FMN1: variants seen among roughly 807,000 people sequenced by gnomAD.
The protein encoded by FMN1 is formin 1, also known as formin-1.
Under a neutral mutation model 132.4 loss-of-function variants are expected in FMN1, and 110 were observed. The ratio of observed to expected loss-of-function variants is 0.83; its 90% CI spans 0.71 to 0.97. The LOEUF (loss-of-function observed/expected upper bound fraction) is 0.97. Among genes scored for constraint, FMN1 ranks in the 50% least tolerant of loss-of-function variants. FMN1 has a pLI of 0.00. For missense variants in FMN1, 1,792 were observed against 1,705.3 expected, an observed-to-expected ratio of 1.05 and a Z score of -0.90; for synonymous variants, 722 against 651.7, an observed-to-expected ratio of 1.11 and a Z score of -1.64.
rs540394198 is a variant in FMN1 at position 33,179,364 on chromosome 15, T to C, written c.-132+834A>G. The stretch of plus-strand genomic sequence containing the variant: ...ATCCCTGATAGAAAAATGAAAGGTA[T>C]GATTTCAGGATTCTAACATAAACTG... On this transcript the variant is annotated intron_variant, in intron 3 of 20. Coordinates refer to ENST00000616417, the MANE Select transcript of FMN1 (RefSeq NM_001277313.2). Among the ~76,000 whole-genome samples, 30 of 152,308 alleles carry C rather than the reference T, an allele frequency of 2.0e-4. 1 individual carries two copies. The South Asian group carries it at 5.8e-3, about 29-fold the overall frequency.
intron 2 of FMN1, among the ~76,000 whole-genome samples, chr15:33,181,366 G>A (rs1041695579): frequency 2.0e-5 from 3 of 152,134 alleles, no homozygotes; most frequent in Admixed American, 1.3e-4. Context: ...TGCCTCTTCC[G>A]AGCAGACAAA....
intron 9 of FMN1, among the ~76,000 whole-genome samples, chr15:32,937,314 A>G (rs1297844703): frequency 1.3e-5 from 2 of 152,224 alleles, no homozygotes; most frequent in African/African-American, 4.8e-5. Context: ...CCAAAGGAGA[A>G]GCCAGGAGGT....
At chr15:33,111,850 G>A (rs1450582821) in intron 4 of FMN1, among the ~76,000 whole-genome samples, 2 of 152,096 alleles carry the variant, frequency 1.3e-5, no homozygotes, top group African/African-American at 4.8e-5. Flanking sequence ...TGATGAAAAT[G>A]TTATAAAGTT....
chr15:33,121,645 C>A (rs559784639), intron 4 of FMN1, among the ~76,000 whole-genome samples: 4 of 152,222 alleles, frequency 2.6e-5, no homozygotes, highest in African/African-American at 9.6e-5. Context: ...TCTCGTGCCT[C>A]AGCCTCCTGA....
At chr15:33,045,033 G>A (rs1351627366) in intron 6 of FMN1, among the ~76,000 whole-genome samples, 6 of 152,222 alleles carry the variant, frequency 3.9e-5, no homozygotes, top group Non-Finnish European at 8.8e-5. Context: ...CCTTCAGGGA[G>A]CCCAGACCTA....
intron 4 of FMN1, among the ~76,000 whole-genome samples, chr15:33,109,166 G>A (rs2140115447): frequency 6.6e-6 from 1 of 152,196 alleles, no homozygotes; most frequent in East Asian, 1.9e-4. Flanking sequence ...ACTTGGTTTA[G>A]TAACAAACTA....
At chr15:32,989,626 A>G (rs928813916) in intron 7 of FMN1, among the ~76,000 whole-genome samples, 4 of 152,180 alleles carry the variant, frequency 2.6e-5, no homozygotes, top group Non-Finnish European at 5.9e-5. Context: ...AAGACTTTGA[A>G]CTTAACTTGA....
At chr15:32,996,700 T>C (rs1413827326) in intron 7 of FMN1, among the ~76,000 whole-genome samples, 1 of 152,184 alleles carries the variant, frequency 6.6e-6, no homozygotes. Flanking sequence ...TGCAGTGAAA[T>C]GGTCAAAGCA....
intron 7 of FMN1, among the ~76,000 whole-genome samples, chr15:32,981,543 A>AATAATAATAATAATAATT (rs574939662): frequency 9.8e-4 from 136 of 138,394 alleles, no homozygotes; most frequent in African/African-American, 3.6e-3. Flanking sequence ...TAATAATAAT[A>AATAATAATAATAATAATT]ATTATTATTA....
intron 17 of FMN1, among the ~76,000 whole-genome samples, chr15:32,849,122 T>TA (rs1313231787): frequency 2.7e-5 from 4 of 150,622 alleles, no homozygotes; most frequent in Non-Finnish European, 5.9e-5. Context: ...TAGCTGGGAC[T>TA]ACAGGCGCTT....
At chr15:32,965,228 T>A (rs749326305) in intron 8 of FMN1, among the ~76,000 whole-genome samples, 7 of 151,972 alleles carry the variant, frequency 4.6e-5, no homozygotes, top group Admixed American at 1.3e-4. Flanking sequence ...TGAAACCCCA[T>A]CTCTACTAAA....
intron 17 of FMN1, among the ~76,000 whole-genome samples, chr15:32,809,267 T>G (rs1451999439): frequency 6.6e-6 from 1 of 152,216 alleles, no homozygotes; most frequent in Non-Finnish European, 1.5e-5. Context: ...TTCTGAGAGC[T>G]AAGATTCCTT....
intron 16 of FMN1, among the ~76,000 whole-genome samples, chr15:32,857,753 G>A (rs954137536): frequency 5.3e-5 from 8 of 152,110 alleles, no homozygotes; most frequent in Non-Finnish European, 1.0e-4. Flanking sequence ...AGTACTTTTT[G>A]ATAATCAGGT....
chr15:33,044,571 C>T (rs1031518167), intron 6 of FMN1, among the ~76,000 whole-genome samples: 3 of 152,158 alleles, frequency 2.0e-5, no homozygotes, highest in Non-Finnish European at 4.4e-5. Flanking sequence ...ACAGGATGAC[C>T]TGCCTGCGGA....
chr15:32,804,231 A>G lies in FMN1; in HGVS notation c.3980+50T>C, dbSNP rs75291034. ...GAATGCACTTCATAATAATAATACA[A>G]AAGAATGGCTAGTCAAAGAAAGAAC... On this transcript the variant is annotated intron_variant, in intron 18 of 20. Coordinates refer to ENST00000616417, the MANE Select transcript of FMN1 (RefSeq NM_001277313.2). The G allele has an allele frequency of 2.2e-3, 2,951 of 1,324,410 alleles. 9 individuals carry two copies. Among genetic ancestry groups the G allele is most frequent in the Middle Eastern group, 3.0e-3 (16 of 5,318 alleles). 82.0% of individuals were successfully genotyped at this position (1,324,410 alleles called of 1,614,324 possible).
chr15:32,975,331 G>A (rs1828669443), intron 7 of FMN1, among the ~76,000 whole-genome samples: 1 of 152,170 alleles, frequency 6.6e-6, no homozygotes, highest in Non-Finnish European at 1.5e-5. Flanking sequence ...CACACTGCTT[G>A]CCTAGTTAGC....
rs1468085184 is a variant in FMN1 at position 32,768,233 on chromosome 15, G to C, written c.*6077C>G. On this transcript the variant is annotated 3_prime_UTR_variant, in exon 21 of 21. Coordinates refer to ENST00000616417, the MANE Select transcript of FMN1 (RefSeq NM_001277313.2). ...AGGTAGAGAGTAATTTCCCTGAATA[G>C]CCAGTGGTCTATGGGACTAACCTTT... is the stretch of plus-strand genomic sequence containing the variant. The C allele has an allele frequency of 1.3e-5, 2 of 152,180 alleles. No individual in the cohort carries two copies. The highest frequency in any genetic ancestry group is 2.9e-5 in the Non-Finnish European group (2 of 68,046). The allele number at this position is 152,180 out of a possible 1,614,324, so 9.4% of individuals were successfully genotyped here.
intron 9 of FMN1, among the ~76,000 whole-genome samples, chr15:32,943,910 G>A (rs897987615): frequency 1.3e-5 from 2 of 152,178 alleles, no homozygotes; most frequent in Non-Finnish European, 2.9e-5. Flanking sequence ...GATGCAAAAC[G>A]ATGCAAGGCA....
At chr15:33,033,729 A>G (rs1327551679) in intron 6 of FMN1, among the ~76,000 whole-genome samples, 1 of 151,294 alleles carries the variant, frequency 6.6e-6, no homozygotes, top group African/African-American at 2.4e-5. Flanking sequence ...ACTGTCTCCA[A>G]TTATCATTCT....
Sources: gnomAD v4.1 joint callset for allele counts (sites outside exome capture counted in the v4.1 genomes callset) on GRCh38, gnomAD v4.1.1 for gene constraint, MANE v1.5 for transcripts, NCBI Gene and HGNC (gene_info 2026-07-23, HGNC 2026-07-21) for gene names.